The following SCN10A variants were observed in gnomAD, a reference collection of about 807,000 sequenced individuals.
SCN10A encodes sodium channel protein type 10 subunit alpha.
In SCN10A, 162 loss-of-function variants were observed where a neutral mutation model predicts 170.7. That is an observed-to-expected ratio of 0.95 (90% CI 0.84 to 1.08). The LOEUF (loss-of-function observed/expected upper bound fraction) is 1.08. Among genes scored for constraint, SCN10A ranks in the 50% least tolerant of loss-of-function variants. The probability of loss-of-function intolerance (pLI) is 0.00; values close to 1 mark genes in which losing one functional copy is unlikely to be tolerated. For missense variants in SCN10A, 2,527 were observed against 2,436.9 expected (o/e 1.04, Z -0.78); for synonymous variants, 985 against 904.6 (o/e 1.09, Z -1.59).
intron 15 of SCN10A, among the ~76,000 whole-genome samples, chr3:38,735,169 C>CAAAAAA (rs543574832): frequency 5.3e-5 from 4 of 76,138 alleles, no homozygotes; most frequent in African/African-American, 1.6e-4. Context: ...GACTCTGTCT[C>CAAAAAA]AAAAAAAAAA....
intron 1 of SCN10A, among the ~76,000 whole-genome samples, chr3:38,798,900 C>T (rs182573098): frequency 6.6e-6 from 1 of 150,570 alleles, no homozygotes; most frequent in African/African-American, 2.4e-5. Flanking sequence ...AGTGATCCTC[C>T]CACCTCAGCC....
chr3:38,781,005 G>A lies in SCN10A; in HGVS notation c.470+7951C>T, dbSNP rs149567375. ...AAGAACTCATCGTTGACCATTCTAC[G>A]GTCATTCGGCAGTTGAAGCAAATTG... On this transcript the variant is annotated intron_variant, in intron 4 of 27. Coordinates refer to ENST00000449082, the MANE Select transcript of SCN10A (RefSeq NM_006514.4). Among the ~76,000 whole-genome samples the A allele has an allele frequency of 1.5e-4, 23 of 152,142 alleles. No individual in the cohort carries two copies. The East Asian group carries it at 3.7e-3, about 24-fold the overall frequency.
chr3:38,776,363 T>G (rs2064074909), intron 4 of SCN10A, among the ~76,000 whole-genome samples: 1 of 152,078 alleles, frequency 6.6e-6, no homozygotes. Flanking sequence ...TTGTTATGCT[T>G]CAGAAAACCA....
At chr3:38,759,900 C>T (rs932018793) in intron 8 of SCN10A, among the ~76,000 whole-genome samples, 1 of 152,124 alleles carries the variant, frequency 6.6e-6, no homozygotes. Flanking sequence ...TGTAAGAATT[C>T]GAAATTGCAA....
At chr3:38,752,938 A>T (rs552946000) in intron 11 of SCN10A, among the ~76,000 whole-genome samples, 2 of 152,322 alleles carry the variant, frequency 1.3e-5, no homozygotes, top group African/African-American at 4.8e-5. Context: ...ATACTTGGTA[A>T]GTGGTTGTTG....
intron 1 of SCN10A, among the ~76,000 whole-genome samples, chr3:38,813,847 T>C (rs978486630): frequency 1.3e-5 from 2 of 152,248 alleles, no homozygotes; most frequent in Non-Finnish European, 2.9e-5. Context: ...GGACAGAACG[T>C]ATTTGCTTAG....
chr3:38,779,728 C>T lies in SCN10A; in HGVS notation c.471-8321G>A, dbSNP rs553383175. Among the ~76,000 whole-genome samples the T allele has an allele frequency of 1.2e-3, 182 of 151,932 alleles. 1 individual carries two copies. The highest frequency in any genetic ancestry group is 2.1e-3 in the Non-Finnish European group (140 of 67,872). Reference sequence around the variant, plus strand: ...AACTGTTTTTTATCTTTCCTTCCCTCGAAATTATATAATTTTAGTTTATAG... The same window carrying T: ...AACTGTTTTTTATCTTTCCTTCCCTTGAAATTATATAATTTTAGTTTATAG... On this transcript the variant is annotated intron_variant, in intron 4 of 27. Transcript: ENST00000449082.
At chr3:38,760,332 C>T (rs548065850) in intron 8 of SCN10A, among the ~76,000 whole-genome samples, 15 of 152,344 alleles carry the variant, frequency 9.8e-5, no homozygotes, top group East Asian at 9.6e-4. Flanking sequence ...AGAGACAGGA[C>T]GTCCTAGACC....
intron 15 of SCN10A, among the ~76,000 whole-genome samples, chr3:38,729,654 CA>C (rs1469210274): frequency 2.0e-5 from 3 of 152,078 alleles, no homozygotes; most frequent in African/African-American, 7.2e-5. Flanking sequence ...CACAAGACAG[CA>C]AAATCATCAA....
chr3:38,814,467 T>C (rs1219655809), intron 1 of SCN10A, among the ~76,000 whole-genome samples: 1 of 152,194 alleles, frequency 6.6e-6, no homozygotes, highest in Non-Finnish European at 1.5e-5. Flanking sequence ...CAGAAGGGAA[T>C]ACATGACTGC....
chr3:38,707,077 A>G (rs1281712264), intron 26 of SCN10A, among the ~76,000 whole-genome samples: 1 of 152,220 alleles, frequency 6.6e-6, no homozygotes, highest in East Asian at 1.9e-4. Flanking sequence ...TGTAAAAGGT[A>G]TGTTTACTCC....
At chr3:38,787,263 A>T (rs904368774) in intron 4 of SCN10A, among the ~76,000 whole-genome samples, 14 of 152,126 alleles carry the variant, frequency 9.2e-5, no homozygotes, top group African/African-American at 3.1e-4. Context: ...TTATTCCTAG[A>T]TACTTGACAT....
rs1466769431 is a variant in SCN10A at position 38,795,329 on chromosome 3, TTTTTTC to T, written c.-32-1293_-32-1288del. 6.1e-3 allele frequency among the ~76,000 whole-genome samples: 871 copies of T among 143,572 alleles called. 5 individuals carry two copies. Among genetic ancestry groups the T allele is most frequent in the Middle Eastern group, 0.034 (9 of 264 alleles). The allele number at this position is 143,572 out of a possible 152,430, so 94.2% of individuals were successfully genotyped here. ...CCTTCTCAGTTCTTGTCTTTTTTGT[TTTTTTC>T]TTTTTCTTTTTCTTTTTTTTTTTTT... On this transcript the variant is annotated intron_variant, in intron 1 of 27. Coordinates refer to ENST00000449082, the MANE Select transcript of SCN10A (RefSeq NM_006514.4).
At chr3:38,739,388 T>G in intron 15 of SCN10A, 127 bp downstream of exon 15, 7 of 789,404 alleles carry the variant, frequency 8.9e-6, no homozygotes, top group East Asian at 5.7e-5. Flanking sequence ...CGCCCAGGAG[T>G]CAGACCCTGC....
chr3:38,712,120 G>A (rs780740066), intron 23 of SCN10A, 41 bp downstream of exon 23: 59 of 1,597,880 alleles, frequency 3.7e-5, no homozygotes, highest in Non-Finnish European at 4.3e-5. Context: ...TTTATTGAGC[G>A]GCCAAAGCAA....
chr3:38,792,479 G>A lies in SCN10A; in HGVS notation c.271-311C>T, dbSNP rs538152809. Among the ~76,000 whole-genome samples the A allele has an allele frequency of 5.3e-4, 81 of 152,250 alleles. 1 individual carries two copies. The highest frequency in any genetic ancestry group is 1.9e-3 in the African/African-American group (78 of 41,546). On this transcript the variant is annotated intron_variant, in intron 2 of 27. Coordinates refer to ENST00000449082, the MANE Select transcript of SCN10A (RefSeq NM_006514.4). ...GTAAGAGGTGTTATGCCCAGGGGAG[G>A]ACTCTGGCAACAGGATGGTGAAGTT...
intron 19 of SCN10A, 21 bp from the exon 20 acceptor site, chr3:38,722,433 T>TGGTGG (rs1559422887): frequency 2.5e-6 from 4 of 1,610,554 alleles, no homozygotes; most frequent in Non-Finnish European, 2.5e-6. Flanking sequence ...AGGTGACTGA[T>TGGTGG]GGTGGGTGAT....
intron 13 of SCN10A, among the ~76,000 whole-genome samples, chr3:38,742,997 C>A (rs2063650316): frequency 2.0e-5 from 3 of 152,296 alleles, no homozygotes; most frequent in Admixed American, 2.0e-4. Flanking sequence ...TGCTTACCAA[C>A]CCTCCTAGAG....
chr3:38,739,508 A>G lies in SCN10A; in HGVS notation c.2280+7T>C. The G allele has an allele frequency of 1.2e-6, 2 of 1,612,478 alleles. No homozygotes were observed. Among genetic ancestry groups the G allele is most frequent in the Non-Finnish European group, 8.5e-7 (1 of 1,179,176 alleles). On this transcript the variant is annotated splice_region_variant and intron_variant, in intron 15 of 27. Transcript: ENST00000449082. ...GTTTCCCCAAGCCATCAAGAGAAAA[A>G]CATTACCAAGCGGAAGCTCCGCAGC...
Sources: gnomAD v4.1 joint callset for allele counts (sites outside exome capture counted in the v4.1 genomes callset) on GRCh38, gnomAD v4.1.1 for gene constraint, MANE v1.5 for transcripts, NCBI Gene and HGNC (gene_info 2026-07-23, HGNC 2026-07-21) for gene names.